USH2A: variants seen among roughly 807,000 people sequenced by gnomAD.
The protein encoded by USH2A is Usher syndrome 2A (autosomal recessive, mild).
A neutral mutation model predicts 538.9 loss-of-function variants in USH2A; 443 were observed. The observed-to-expected ratio is 0.82, with a 90% confidence interval of 0.76 to 0.89. The LOEUF (loss-of-function observed/expected upper bound fraction) is 0.89. Among genes scored for constraint, USH2A ranks in the 40% least tolerant of loss-of-function variants. USH2A has a pLI of 0.00. For missense variants in USH2A, 6,633 were observed against 6,324.8 expected (o/e 1.05, Z -1.65); for synonymous variants, 2,413 against 2,273.5 (o/e 1.06, Z -1.75).
intron 47 of USH2A, among the ~76,000 whole-genome samples, chr1:215,830,193 A>G (rs1164489829): frequency 2.6e-5 from 4 of 152,178 alleles, no homozygotes; most frequent in Non-Finnish European, 4.4e-5. Flanking sequence ...ATCCTAGAGA[A>G]AGTAAATTTT....
chr1:215,898,380 A>G (rs963596169), intron 40 of USH2A, among the ~76,000 whole-genome samples: 5 of 152,188 alleles, frequency 3.3e-5, no homozygotes, highest in Non-Finnish European at 7.3e-5. Flanking sequence ...TTTATAGTAA[A>G]AAGGAGACCA....
In USH2A at chr1:215,643,694, TA is replaced by T. The variant is rs113535986; in HGVS notation, c.14792-2961del. 3.5e-3 allele frequency among the ~76,000 whole-genome samples: 523 copies of T among 150,688 alleles called. 2 individuals are homozygous for T. The highest frequency in any genetic ancestry group is 6.8e-3 in the African/African-American group (278 of 41,082). ...GCGCATGTCACCATACCTGGCTATTTAAAAAAAAAATTTTTGTAGAGATAGG... is the reference window on the plus strand; with the variant it reads ...GCGCATGTCACCATACCTGGCTATTTAAAAAAAAATTTTTGTAGAGATAGG... On this transcript the variant is annotated intron_variant, in intron 67 of 71. Transcript: ENST00000307340.
intron 49 of USH2A, among the ~76,000 whole-genome samples, chr1:215,803,984 T>A (rs554244654): frequency 1.7e-3 from 260 of 152,168 alleles, no homozygotes; most frequent in Admixed American, 4.2e-3. Flanking sequence ...ATGCCACATA[T>A]CTACAACTAT....
At position 216,046,474 on chromosome 1, in the gene USH2A, C is replaced by T; in HGVS notation, c.6282G>A (p.Gly2094=). Residue 2094 remains glycine (G), a synonymous_variant, in exon 32 of 72, where the codon GGG becomes GGA. Coordinates refer to ENST00000307340, the MANE Select transcript of USH2A (RefSeq NM_206933.4). ...CCTCACTGCCTGAATAGATCAGCCT[C>T]CCATCCATGTATAAACAGTACTGAG... ...IITQYCLYMD[G]RLIYSGSEEN... is the part of the protein sequence containing the mutation. 1 of 1,613,720 alleles carries T rather than the reference C, an allele frequency of 6.2e-7. No individual in the cohort carries two copies. Among genetic ancestry groups the T allele is most frequent in the Non-Finnish European group, 8.5e-7 (1 of 1,179,760 alleles).
intron 37 of USH2A, among the ~76,000 whole-genome samples, chr1:215,939,412 C>A (rs918410588): frequency 5.9e-5 from 9 of 151,992 alleles, no homozygotes; most frequent in Admixed American, 1.3e-4. Context: ...AAAAAATAGA[C>A]CAAATAAATC....
intron 14 of USH2A, among the ~76,000 whole-genome samples, chr1:216,226,626 A>G (rs1346242427): frequency 6.6e-6 from 1 of 152,122 alleles, no homozygotes; most frequent in Admixed American, 6.5e-5. Flanking sequence ...GATCTTTCTC[A>G]CCATTAGGTA....
chr1:215,985,528 A>C (rs1414291880), intron 35 of USH2A, among the ~76,000 whole-genome samples: 1 of 152,206 alleles, frequency 6.6e-6, no homozygotes, highest in Non-Finnish European at 1.5e-5. Flanking sequence ...CTAAGTTTCC[A>C]CATTTGTGAG....
At chr1:216,089,788 A>G (rs1464675554) in intron 22 of USH2A, among the ~76,000 whole-genome samples, 2 of 151,920 alleles carry the variant, frequency 1.3e-5, no homozygotes, top group African/African-American at 2.4e-5. Flanking sequence ...AGATATTAAG[A>G]ACAGAGTTTA....
At chr1:215,835,164 C>CAAAAAAAAA (rs34758891) in intron 47 of USH2A, among the ~76,000 whole-genome samples, 1 of 56,120 alleles carries the variant, frequency 1.8e-5, no homozygotes, top group Non-Finnish European at 3.1e-5. Flanking sequence ...AGTGATGCAC[C>CAAAAAAAAA]AAAAAAAAAA....
intron 44 of USH2A, among the ~76,000 whole-genome samples, chr1:215,852,836 A>C (rs1232899112): frequency 6.6e-6 from 1 of 152,206 alleles, no homozygotes; most frequent in Non-Finnish European, 1.5e-5. Context: ...CTGATGCAAG[A>C]GGTGGGTTCC....
intron 58 of USH2A, 62 bp downstream of exon 58, chr1:215,758,533 T>C: frequency 1.3e-6 from 2 of 1,553,950 alleles, no homozygotes; most frequent in Admixed American, 1.7e-5. Flanking sequence ...TCTATTCTTA[T>C]CTCTAATTAA....
chr1:216,046,006 G>GGTGTGTGTGTGTGTGTGT lies in USH2A; in HGVS notation c.6325+407_6325+424dup, dbSNP rs59426829. Among the ~76,000 whole-genome samples, 12 of 137,758 alleles carry GGTGTGTGTGTGTGTGTGT rather than the reference G, an allele frequency of 8.7e-5. 1 individual carries two copies. The highest frequency in any genetic ancestry group is 7.0e-4 in the East Asian group (3 of 4,310). 90.4% of individuals were successfully genotyped at this position (137,758 alleles called of 152,430 possible). ...AGATAACTATAGACTCTATTTATCTGGTGTGTGTGTGTGTGTGTGTGTGTG... is the reference window on the plus strand; with the variant it reads ...AGATAACTATAGACTCTATTTATCTGGTGTGTGTGTGTGTGTGTGTGTGTGTGTGTGTGTGTGTGTGTG... On this transcript the variant is annotated intron_variant, in intron 32 of 71. Coordinates refer to ENST00000307340, the MANE Select transcript of USH2A (RefSeq NM_206933.4).
intron 11 of USH2A, among the ~76,000 whole-genome samples, chr1:216,284,449 C>T (rs1174406583): frequency 1.3e-5 from 2 of 152,154 alleles, no homozygotes; most frequent in Non-Finnish European, 2.9e-5. Context: ...CCCCTTCTGC[C>T]ATGATTGTAA....
rs74141518 is a variant in USH2A, at chr1:216,172,306, C to A, written c.4627+2946G>T. Among the ~76,000 whole-genome samples, 662 of 152,076 alleles carry A rather than the reference C, an allele frequency of 4.4e-3. 4 individuals are homozygous for A. The highest frequency in any genetic ancestry group is 0.01 in the Middle Eastern group (3 of 294). ...TTATAATTCCTGTCATTGATGGGTA[C>A]AATCTAACTTATCTTTTCATATATA... On this transcript the variant is annotated intron_variant, in intron 21 of 71. Coordinates refer to ENST00000307340, the MANE Select transcript of USH2A (RefSeq NM_206933.4).
chr1:215,766,947 C>G (rs1178631885), intron 55 of USH2A, among the ~76,000 whole-genome samples, 159 bp from the exon 56 acceptor site: 1 of 152,170 alleles, frequency 6.6e-6, no homozygotes, highest in African/African-American at 2.4e-5. Flanking sequence ...TCATAAGAGG[C>G]TAAGTATTGG....
intron 21 of USH2A, among the ~76,000 whole-genome samples, chr1:216,153,304 G>A (rs1187756445): frequency 6.6e-6 from 1 of 152,172 alleles, no homozygotes; most frequent in Non-Finnish European, 1.5e-5. Flanking sequence ...GGAGTCACAA[G>A]CACCCACCCC....
At chr1:216,030,170 AC>A in intron 32 of USH2A, among the ~76,000 whole-genome samples, 1 of 142,884 alleles carries the variant, frequency 7.0e-6, no homozygotes, top group Non-Finnish European at 1.5e-5. Context: ...GATATACATA[AC>A]AGATATATAA....
At position 216,199,699 on chromosome 1, in the gene USH2A, T is replaced by A; in HGVS notation, c.3739A>T (p.Ser1247Cys). ...CTGATTTTCTGCATCTTAGGTGGAC[T>A]TAGTCTTTGGGGAGGGGCCTGGGCT... ...TTAQAPPQRL[S>C]PPKMQKISST... Residue 1247 changes from serine (S) to cysteine (C), a missense_variant, in exon 17 of 72, where the codon AGT becomes TGT. By Grantham distance (112) the Ser-to-Cys change is moderately radical. Coordinates refer to ENST00000307340, the MANE Select transcript of USH2A (RefSeq NM_206933.4). 1 of 1,614,100 alleles carries A rather than the reference T, an allele frequency of 6.2e-7. No individual in the cohort carries two copies. The highest frequency in any genetic ancestry group is 8.5e-7 in the Non-Finnish European group (1 of 1,179,982).
chr1:215,951,666 C>T (rs1459026186), intron 37 of USH2A, among the ~76,000 whole-genome samples: 2 of 151,766 alleles, frequency 1.3e-5, no homozygotes, highest in African/African-American at 4.8e-5. Context: ...TTAAAGTCTC[C>T]CATTATTATT....
Sources: allele counts gnomAD v4.1 joint callset (sites outside exome capture counted in the v4.1 genomes callset), GRCh38; gene constraint gnomAD v4.1.1; transcripts MANE v1.5; gene names NCBI Gene and HGNC (gene_info 2026-07-23, HGNC 2026-07-21).